Variants in SOX5 observed in about 807,000 individuals in gnomAD.
The protein encoded by SOX5 is transcription factor SOX-5.
A neutral mutation model predicts 92.0 loss-of-function variants in SOX5; 9 were observed. The ratio of observed to expected loss-of-function variants is 0.10; its 90% CI spans 0.06 to 0.17. The LOEUF (loss-of-function observed/expected upper bound fraction) is 0.17. SOX5 is among the 10% of genes least tolerant of loss of function. The probability of loss-of-function intolerance (pLI) is 1.00; values close to 1 mark genes in which losing one functional copy is unlikely to be tolerated. For synonymous variants in SOX5, 344 were observed against 336.3 expected, an observed-to-expected ratio of 1.02 and a Z score of -0.25; for missense variants, 642 against 944.5, an observed-to-expected ratio of 0.68 and a Z score of 4.20.
chr12:24,424,031 T>C (rs1034305048), intron 1 of SOX5, among the ~76,000 whole-genome samples: 2 of 152,162 alleles, frequency 1.3e-5, no homozygotes, highest in African/African-American at 4.8e-5. Context: ...AATTATTCCT[T>C]TGGGTTCCAC....
chr12:23,912,859 G>A (rs530030812), intron 1 of SOX5, among the ~76,000 whole-genome samples: 2 of 152,178 alleles, frequency 1.3e-5, no homozygotes, highest in East Asian at 1.9e-4. Context: ...AATGGGGAAC[G>A]ACTGCTAATA....
chr12:24,251,746 A>AT (rs1940105627), intron 3 of SOX5, among the ~76,000 whole-genome samples: 1 of 151,692 alleles, frequency 6.6e-6, no homozygotes, highest in Non-Finnish European at 1.5e-5. Context: ...TAATTTTTGT[A>AT]TTTTTAGTAG....
intron 13 of SOX5, among the ~76,000 whole-genome samples, chr12:23,539,494 A>G (rs1941421229): frequency 1.3e-5 from 2 of 151,868 alleles, no homozygotes; most frequent in South Asian, 4.2e-4. Context: ...TGTAGAAATG[A>G]CTCCCGTGGG....
chr12:24,513,577 C>T (rs1309605048), intron 1 of SOX5, among the ~76,000 whole-genome samples: 1 of 152,184 alleles, frequency 6.6e-6, no homozygotes, highest in Non-Finnish European at 1.5e-5. Flanking sequence ...GGCTTCTTTA[C>T]ATAATTTGTT....
At chr12:23,619,442 T>C (rs1030952413) in intron 8 of SOX5, among the ~76,000 whole-genome samples, 2 of 152,124 alleles carry the variant, frequency 1.3e-5, no homozygotes, top group African/African-American at 4.8e-5. Context: ...CTGTCCAAAG[T>C]TGCATAGGTA....
At chr12:23,716,772 G>A (rs2092527671) in intron 6 of SOX5, among the ~76,000 whole-genome samples, 1 of 152,186 alleles carries the variant, frequency 6.6e-6, no homozygotes, top group Non-Finnish European at 1.5e-5. Context: ...TGAAGAGGCT[G>A]AGAATCAATG....
chr12:24,213,419 T>TAAAAAAAAAAAAA (rs67296842), intron 3 of SOX5: 163 of 96,772 alleles, frequency 1.7e-3, no homozygotes, highest in Non-Finnish European at 2.0e-3. Flanking sequence ...CTTGAAATGC[T>TAAAAAAAAAAAAA]AAAAAAAAAA....
At chr12:24,255,335 C>T (rs891880431) in intron 3 of SOX5, among the ~76,000 whole-genome samples, 4 of 152,118 alleles carry the variant, frequency 2.6e-5, no homozygotes, top group Admixed American at 2.6e-4. Flanking sequence ...AGGAAAATAG[C>T]TTTCCCATTA....
intron 3 of SOX5, among the ~76,000 whole-genome samples, chr12:23,795,298 A>G (rs1015063063): frequency 2.0e-5 from 3 of 151,918 alleles, no homozygotes; most frequent in African/African-American, 7.2e-5. Context: ...ATGGACTTGT[A>G]TAAGATTTTT....
chr12:24,291,908 T>G (rs1946662473), intron 2 of SOX5, among the ~76,000 whole-genome samples: 1 of 152,216 alleles, frequency 6.6e-6, no homozygotes, highest in Admixed American at 6.5e-5. Context: ...GAGATGAAAG[T>G]GCCGTGGTCT....
At chr12:24,130,656 C>T (rs528729242) in intron 4 of SOX5, among the ~76,000 whole-genome samples, 2 of 152,290 alleles carry the variant, frequency 1.3e-5, no homozygotes, top group South Asian at 2.1e-4. Context: ...CAGGGTCCAG[C>T]ACCTTCAGGA....
chr12:23,761,587 T>A (rs530779134), intron 3 of SOX5, among the ~76,000 whole-genome samples: 1 of 152,246 alleles, frequency 6.6e-6, no homozygotes, highest in South Asian at 2.1e-4. Context: ...ACTTGCCTAA[T>A]ATCACAAACC....
At position 23,609,914 on chromosome 12, in the gene SOX5, A is replaced by C. The variant is rs140442273; in HGVS notation, c.1018-5381T>G. ...TTTCTTATAATTTATTATTATGTGC[A>C]CCAAATCACTGCTGGGCAGTGGGCT... On this transcript the variant is annotated intron_variant, in intron 8 of 14. Coordinates refer to ENST00000451604, the MANE Select transcript of SOX5 (RefSeq NM_006940.6). 5.5e-3 allele frequency among the ~76,000 whole-genome samples: 833 copies of C among 152,252 alleles called. 10 individuals are homozygous for C. The highest frequency in any genetic ancestry group is 0.019 in the African/African-American group (779 of 41,540).
chr12:23,691,249 C>A (rs1567004977), intron 6 of SOX5, among the ~76,000 whole-genome samples: 1 of 152,070 alleles, frequency 6.6e-6, no homozygotes, highest in Non-Finnish European at 1.5e-5. Context: ...CCACAAGATT[C>A]CTAAATTATT....
intron 1 of SOX5, among the ~76,000 whole-genome samples, chr12:24,459,716 T>A (rs1475899490): frequency 6.6e-6 from 1 of 152,158 alleles, no homozygotes; most frequent in Non-Finnish European, 1.5e-5. Flanking sequence ...TACCTAAAGA[T>A]GACACTTCCA....
At chr12:23,780,090 T>C (rs1020145606) in intron 3 of SOX5, among the ~76,000 whole-genome samples, 10 of 151,498 alleles carry the variant, frequency 6.6e-5, no homozygotes, top group African/African-American at 2.4e-4. Flanking sequence ...TTTAAGTTTT[T>C]ATTCTAATAA....
intron 2 of SOX5, among the ~76,000 whole-genome samples, chr12:24,284,548 C>T (rs1283363255): frequency 6.6e-6 from 1 of 152,048 alleles, no homozygotes; most frequent in Non-Finnish European, 1.5e-5. Context: ...CCTCATCAAC[C>T]ACATCCAAAT....
intron 2 of SOX5, among the ~76,000 whole-genome samples, chr12:24,316,805 T>C (rs2140865607): frequency 6.6e-6 from 1 of 152,328 alleles, no homozygotes; most frequent in East Asian, 1.9e-4. Context: ...TTATTTTATT[T>C]TTTCTTAAGG....
chr12:24,405,773 C>G (rs1962796212), intron 1 of SOX5, among the ~76,000 whole-genome samples: 2 of 152,014 alleles, frequency 1.3e-5, no homozygotes, highest in South Asian at 4.2e-4. Flanking sequence ...TGTAAATGAC[C>G]AGGTCAAAAT....
Sources: allele counts gnomAD v4.1 joint callset (sites outside exome capture counted in the v4.1 genomes callset), GRCh38; gene constraint gnomAD v4.1.1; transcripts MANE v1.5; gene names NCBI Gene and HGNC (gene_info 2026-07-23, HGNC 2026-07-21).